The following RGPD4 variants were observed in gnomAD, a reference collection of about 807,000 sequenced individuals.
The protein encoded by RGPD4 is RANBP2 like and GRIP domain containing 4.
In RGPD4, 84 loss-of-function variants were observed where a neutral mutation model predicts 141.1. The observed-to-expected ratio is 0.60, with a 90% CI of 0.50 to 0.71. RGPD4 has a LOEUF of 0.71. Ranked by LOEUF, RGPD4 falls within the 30% of genes least tolerant of loss-of-function variation. RGPD4 has a pLI of 0.00. For missense variants in RGPD4, 918 were observed against 1,622.4 expected (o/e 0.57, Z 7.46); for synonymous variants, 298 against 566.8 (o/e 0.53, Z 6.74).
At position 107,830,830 on chromosome 2, in the gene RGPD4, G is replaced by A. The variant is rs532237708; in HGVS notation, c.72+3745G>A. Reference sequence around the variant, plus strand: ...TCGGAGTTTTGGAGTGTGATGATGCGTCTGTATATCATATCTTTCTAGTCT... The same window carrying A: ...TCGGAGTTTTGGAGTGTGATGATGCATCTGTATATCATATCTTTCTAGTCT... On this transcript the variant is annotated intron_variant, in intron 1 of 22. Transcript: ENST00000408999. 2.2e-4 allele frequency among the ~76,000 whole-genome samples: 34 copies of A among 151,958 alleles called. No homozygotes were observed. In the South Asian group the frequency reaches 6.3e-3, roughly 28 times the overall value.
At chr2:107,880,222 A>G (rs1186749646) in intron 21 of RGPD4, 115 bp downstream of exon 21, 21 of 1,088,668 alleles carry the variant, frequency 1.9e-5, no homozygotes, top group Non-Finnish European at 2.6e-5. Context: ...TAACGTCTTG[A>G]TCTTTATATT....
Position 107,877,094 on chromosome 2 carries a change from C to A in RGPD4, c.4925-2874C>A, listed in dbSNP as rs192748194. Among the ~76,000 whole-genome samples the A allele has an allele frequency of 1.3e-3, 196 of 151,958 alleles. 3 individuals are homozygous for A. Among genetic ancestry groups the A allele is most frequent in the African/African-American group, 4.6e-3 (188 of 41,258 alleles). On this transcript the variant is annotated intron_variant, in intron 20 of 22. Coordinates refer to ENST00000408999, the MANE Select transcript of RGPD4 (RefSeq NM_182588.3). Reference sequence around the variant, plus strand: ...GGCCTGGTAAACTTTACAGTTTAGACCAGGTGTGGTGTCTCACCCCTGCAA... The same window carrying A: ...GGCCTGGTAAACTTTACAGTTTAGAACAGGTGTGGTGTCTCACCCCTGCAA...
chr2:107,831,552 ATTTTCTTTTC>A (rs1238887710), intron 1 of RGPD4, among the ~76,000 whole-genome samples: 7 of 85,738 alleles, frequency 8.2e-5, no homozygotes, highest in East Asian at 2.9e-4. Context: ...CATTTTAGAC[ATTTTCTTTTC>A]TTTTCTTTTC....
intron 7 of RGPD4, among the ~76,000 whole-genome samples, chr2:107,849,659 C>A (rs1682070462): frequency 1.1e-5 from 1 of 93,898 alleles, no homozygotes; most frequent in Admixed American, 1.0e-4. Flanking sequence ...GCGTGAGCCA[C>A]CATGCCCAGC....
At chr2:107,833,713 C>A (rs2104403167) in intron 1 of RGPD4, among the ~76,000 whole-genome samples, 1 of 151,594 alleles carries the variant, frequency 6.6e-6, no homozygotes, top group South Asian at 2.1e-4. Context: ...TATGTTTTGG[C>A]ATTGTACCTT....
At chr2:107,831,144 T>A in intron 1 of RGPD4, among the ~76,000 whole-genome samples, 1 of 90,414 alleles carries the variant, frequency 1.1e-5, no homozygotes, top group Non-Finnish European at 2.6e-5. Flanking sequence ...GCCACTGCAC[T>A]CCAGCCTGTG....
chr2:107,844,120 G>A (rs1681832470), intron 6 of RGPD4, among the ~76,000 whole-genome samples: 1 of 150,550 alleles, frequency 6.6e-6, no homozygotes, highest in Non-Finnish European at 1.5e-5. Context: ...ACATGTACTA[G>A]TATAAGCACT....
Position 107,871,369 on chromosome 2 carries a change from C to G in RGPD4, c.3365C>G (p.Pro1122Arg). 1 of 1,079,848 alleles carries G rather than the reference C, an allele frequency of 9.3e-7. No homozygotes were observed. The highest frequency in any genetic ancestry group is 1.5e-5 in the South Asian group (1 of 68,200). The allele number at this position is 1,079,848 out of a possible 1,614,324, so 66.9% of individuals were successfully genotyped here. ...ATAACGACTACAATGAACCTGAAGCCCCTGTCTGGATCAGATAGAGCATGG... is the reference window on the plus strand; with the variant it reads ...ATAACGACTACAATGAACCTGAAGCGCCTGTCTGGATCAGATAGAGCATGG... ...HWITTTMNLK[P>R]LSGSDRAWMW... The change falls in exon 20 of 23, where the codon CCC becomes CGC. Residue 1122 changes from proline (P) to arginine (R), a missense_variant. Pro to Arg is a moderately radical substitution (Grantham distance 103). Coordinates refer to ENST00000408999, the MANE Select transcript of RGPD4 (RefSeq NM_182588.3).
At chr2:107,849,174 C>A (rs1230060196) in intron 7 of RGPD4, among the ~76,000 whole-genome samples, 1 of 73,552 alleles carries the variant, frequency 1.4e-5, no homozygotes, top group East Asian at 2.4e-4. Context: ...CCTGCCTCAG[C>A]CTCCCGAGTA....
intron 21 of RGPD4, among the ~76,000 whole-genome samples, chr2:107,881,069 CT>C (rs1675349933): frequency 6.6e-6 from 1 of 150,902 alleles, no homozygotes; most frequent in South Asian, 2.1e-4. Flanking sequence ...AAAGTACATG[CT>C]TTTCCCCTGT....
Position 107,826,897 on chromosome 2 carries a change from G to A in RGPD4, c.-117G>A. 1 of 1,541,176 alleles carries A rather than the reference G, an allele frequency of 6.5e-7. No individual in the cohort carries two copies. The highest frequency in any genetic ancestry group is 1.4e-5 in the African/African-American group (1 of 72,636). On this transcript the variant is annotated 5_prime_UTR_variant, in exon 1 of 23. Coordinates refer to ENST00000408999, the MANE Select transcript of RGPD4 (RefSeq NM_182588.3). ...ACGCAGGACACAAGTTCGTCACAGT[G>A]GTCCTCCGCCGGCTACGCGGAGTCA...
intron 22 of RGPD4, among the ~76,000 whole-genome samples, chr2:107,889,861 GC>G (rs1675604308): frequency 1.3e-5 from 2 of 151,364 alleles, no homozygotes; most frequent in African/African-American, 4.9e-5. Context: ...TTGTATATAA[GC>G]TTCTGTTTTA....
At chr2:107,876,738 T>C (rs1456680819) in intron 20 of RGPD4, among the ~76,000 whole-genome samples, 1 of 151,554 alleles carries the variant, frequency 6.6e-6, no homozygotes, top group Non-Finnish European at 1.5e-5. Context: ...CGGTCACTTA[T>C]TAGGGTAAAA....
chr2:107,836,523 G>A (rs1245146526), intron 1 of RGPD4, 79 bp from the exon 2 acceptor site: 5 of 1,269,084 alleles, frequency 3.9e-6, no homozygotes, highest in Non-Finnish European at 5.3e-6. Context: ...ATAAACTTAG[G>A]GCAGATTTTT....
At position 107,880,089 on chromosome 2, in the gene RGPD4, C is replaced by G; in HGVS notation, c.5046C>G (p.Val1682=). The G allele has an allele frequency of 6.2e-7, 1 of 1,611,312 alleles. No homozygotes were observed. Among genetic ancestry groups the G allele is most frequent in the Non-Finnish European group, 8.5e-7 (1 of 1,179,834 alleles). The change falls in exon 21 of 23, where the codon GTC becomes GTG. Residue 1682 remains valine (V), a synonymous_variant. Coordinates refer to ENST00000408999, the MANE Select transcript of RGPD4 (RefSeq NM_182588.3). Reference sequence around the variant, plus strand: ...GGGAAGCAGAGGCAACCAGTGCAGTCCTTATGGAGCAAATTAAGGTGAGAT... The same window carrying G: ...GGGAAGCAGAGGCAACCAGTGCAGTGCTTATGGAGCAAATTAAGGTGAGAT... ...LLREAEATSA[V]LMEQIKLLKS...
At chr2:107,828,804 T>A in intron 1 of RGPD4, among the ~76,000 whole-genome samples, 1 of 20,114 alleles carries the variant, frequency 5.0e-5, no homozygotes, top group South Asian at 2.8e-3. Context: ...TGGCGCGCTC[T>A]GTTGAGGCGG....
chr2:107,831,615 G>C (rs1249062202), intron 1 of RGPD4, among the ~76,000 whole-genome samples: 1 of 97,636 alleles, frequency 1.0e-5, no homozygotes, highest in Non-Finnish European at 1.8e-5. Context: ...TCGCTCTATC[G>C]TCCAGGCTGG....
chr2:107,827,536 G>A (rs1573451344), intron 1 of RGPD4, among the ~76,000 whole-genome samples: 2 of 41,360 alleles, frequency 4.8e-5, no homozygotes, highest in East Asian at 3.9e-4. Context: ...TGGCTCAGGC[G>A]TCATGGCTCC....
chr2:107,880,540 G>A (rs1462770790), intron 21 of RGPD4, among the ~76,000 whole-genome samples: 1 of 151,724 alleles, frequency 6.6e-6, no homozygotes, highest in Non-Finnish European at 1.5e-5. Flanking sequence ...TGGTATTACA[G>A]GCGTGAGCCA....
Sources: allele counts gnomAD v4.1 joint callset (sites outside exome capture counted in the v4.1 genomes callset), GRCh38; gene constraint gnomAD v4.1.1; transcripts MANE v1.5; gene names NCBI Gene and HGNC (gene_info 2026-07-23, HGNC 2026-07-21).